The following SHISA9 variants were observed in gnomAD, a reference collection of about 807,000 sequenced individuals.
The protein encoded by SHISA9 is shisa family member 9.
SHISA9 carries 13 observed loss-of-function variants against 38.0 expected under a neutral mutation model. The ratio of observed to expected loss-of-function variants is 0.34; its 90% CI spans 0.22 to 0.54. The LOEUF (loss-of-function observed/expected upper bound fraction) is 0.54, where lower values mean the gene tolerates loss of function less well. Ranked by LOEUF, SHISA9 falls within the 20% of genes least tolerant of loss-of-function variation. SHISA9 has a pLI of 0.91. For missense variants in SHISA9, 538 were observed against 575.8 expected (o/e 0.93, Z 0.67); for synonymous variants, 275 against 242.0 (o/e 1.14, Z -1.27).
chr16:13,487,718 T>C, the SHISA9 span, among the ~76,000 whole-genome samples: 1 of 152,250 alleles, frequency 6.6e-6, no homozygotes, highest in East Asian at 1.9e-4. Context: ...GTAAATGCTA[T>C]GTAAATAGAT....
intron 4 of SHISA9, among the ~76,000 whole-genome samples, chr16:13,229,569 C>A (rs2051311423): frequency 6.6e-6 from 1 of 152,188 alleles, no homozygotes; most frequent in South Asian, 2.1e-4. Context: ...GGGCCACAAT[C>A]TCTGAAATTC....
At chr16:13,000,702 G>A (rs950872938) in intron 2 of SHISA9, among the ~76,000 whole-genome samples, 3 of 152,168 alleles carry the variant, frequency 2.0e-5, no homozygotes, top group African/African-American at 7.2e-5. Flanking sequence ...GACGCATGGG[G>A]ATGGCTTCCC....
At chr16:12,962,880 A>T (rs1442872779) in intron 2 of SHISA9, among the ~76,000 whole-genome samples, 1 of 152,098 alleles carries the variant, frequency 6.6e-6, no homozygotes, top group Non-Finnish European at 1.5e-5. Flanking sequence ...CTGTGTGACC[A>T]CTCAGAGCTC....
intron 2 of SHISA9, among the ~76,000 whole-genome samples, chr16:13,129,069 A>C (rs2050285965): frequency 6.6e-6 from 1 of 152,186 alleles, no homozygotes. Flanking sequence ...TTTGTCTACA[A>C]ATGTTATCTG....
At chr16:13,060,816 G>A (rs931344271) in intron 2 of SHISA9, among the ~76,000 whole-genome samples, 4 of 152,178 alleles carry the variant, frequency 2.6e-5, no homozygotes, top group African/African-American at 9.7e-5. Flanking sequence ...GCCAAGGGCT[G>A]GCGTGGGAGT....
chr16:13,163,027 A>G (rs2050608941), intron 2 of SHISA9, among the ~76,000 whole-genome samples: 2 of 152,172 alleles, frequency 1.3e-5, no homozygotes, highest in Admixed American at 1.3e-4. Context: ...AAGGAATTCT[A>G]AGTTAGTCTT....
chr16:13,069,401 A>G (rs1289277318), intron 2 of SHISA9, among the ~76,000 whole-genome samples: 1 of 152,080 alleles, frequency 6.6e-6, no homozygotes, highest in East Asian at 1.9e-4. Flanking sequence ...ATGTGTGTAC[A>G]TACAATGTGT....
chr16:13,282,685 CT>C, the SHISA9 span, among the ~76,000 whole-genome samples: 1 of 152,022 alleles, frequency 6.6e-6, no homozygotes, highest in South Asian at 2.1e-4. Context: ...ATTTTTTTAG[CT>C]TTTTTTGTTT....
At chr16:13,134,323 A>G (rs902857948) in intron 2 of SHISA9, among the ~76,000 whole-genome samples, 1 of 152,170 alleles carries the variant, frequency 6.6e-6, no homozygotes, top group Non-Finnish European at 1.5e-5. Flanking sequence ...GCACACACTA[A>G]CATCTCAGTA....
chr16:13,049,182 G>T (rs867831314), intron 2 of SHISA9, among the ~76,000 whole-genome samples: 2 of 149,650 alleles, frequency 1.3e-5, no homozygotes, highest in African/African-American at 5.1e-5. Context: ...GTGTGTGTGT[G>T]TGTGTGTGTG....
At chr16:13,196,329 G>A (rs377402782) in intron 2 of SHISA9, among the ~76,000 whole-genome samples, 9 of 144,850 alleles carry the variant, frequency 6.2e-5, no homozygotes, top group African/African-American at 1.8e-4. Context: ...CCCAGGAGGC[G>A]GAGCTTGCAG....
rs546531408 is a variant in SHISA9 at position 13,080,175 on chromosome 16, C to G, written c.692-123219C>G. 5.7e-3 allele frequency among the ~76,000 whole-genome samples: 864 copies of G among 152,212 alleles called. 3 individuals carry two copies. The highest frequency in any genetic ancestry group is 0.014 in the Middle Eastern group (4 of 294). On this transcript the variant is annotated intron_variant, in intron 2 of 4. Transcript: ENST00000558583. ...GATCACGAGGTCAGGAGATTGAGAC[C>G]ATCCTGGCTAACATGGTGAAACCCC...
At position 12,970,404 on chromosome 16, in the gene SHISA9, C is replaced by CATATATATATACATATATGTAT. The variant is rs1567357057; in HGVS notation, c.691+53600_691+53601insCATATATGTATATATATATATA. On this transcript the variant is annotated intron_variant, in intron 2 of 4. Transcript: ENST00000558583. ...ATACATATATGTATATATATATATA[C>CATATATATATACATATATGTAT]ATATATATATATACACATATATGTA... Among the ~76,000 whole-genome samples, 9 of 11,722 alleles carry CATATATATATACATATATGTAT rather than the reference C, an allele frequency of 7.7e-4. 2 individuals carry two copies. Among genetic ancestry groups the CATATATATATACATATATGTAT allele is most frequent in the South Asian group, 4.7e-3 (1 of 212 alleles). 7.7% of individuals were successfully genotyped at this position (11,722 alleles called of 152,430 possible). A position where few individuals can be genotyped will look rare whatever the true frequency, so the allele number is the denominator to read the frequency against.
At chr16:13,561,698 G>A in the SHISA9 span, among the ~76,000 whole-genome samples, 1 of 152,232 alleles carries the variant, frequency 6.6e-6, no homozygotes, top group Non-Finnish European at 1.5e-5. Flanking sequence ...GCAGGTCAAG[G>A]TAGTGACCTG....
At chr16:12,934,256 G>T (rs565749735) in intron 2 of SHISA9, among the ~76,000 whole-genome samples, 1 of 152,176 alleles carries the variant, frequency 6.6e-6, no homozygotes, top group African/African-American at 2.4e-5. Flanking sequence ...ACTGCTATGC[G>T]CTAGACAGTA....
chr16:13,080,112 G>A (rs895101514), intron 2 of SHISA9, among the ~76,000 whole-genome samples: 13 of 152,260 alleles, frequency 8.5e-5, no homozygotes, highest in African/African-American at 2.2e-4. Flanking sequence ...AGTGGCTCAC[G>A]CCTGTAATCC....
the SHISA9 span, among the ~76,000 whole-genome samples, chr16:13,337,454 C>A: frequency 2.6e-5 from 4 of 152,110 alleles, no homozygotes; most frequent in Non-Finnish European, 5.9e-5. Flanking sequence ...GTCCATTAAA[C>A]CTCTTTCTTT....
the SHISA9 span, among the ~76,000 whole-genome samples, chr16:13,437,488 C>A: frequency 1.3e-5 from 2 of 152,042 alleles, no homozygotes; most frequent in Non-Finnish European, 2.9e-5. Flanking sequence ...AGAGAGGTGA[C>A]CCCTTTTGCC....
intron 2 of SHISA9, among the ~76,000 whole-genome samples, chr16:12,922,649 A>T (rs1047899936): frequency 1.3e-5 from 2 of 152,188 alleles, no homozygotes; most frequent in Non-Finnish European, 2.9e-5. Flanking sequence ...CCTCCTGAGT[A>T]GCTGGGATTA....
Sources: allele counts gnomAD v4.1 joint callset (sites outside exome capture counted in the v4.1 genomes callset), GRCh38; gene constraint gnomAD v4.1.1; transcripts MANE v1.5; gene names NCBI Gene and HGNC (gene_info 2026-07-23, HGNC 2026-07-21).